FUT8: variants seen among roughly 807,000 people sequenced by gnomAD.
FUT8 encodes the protein fucosyltransferase 8.
FUT8 carries 29 observed loss-of-function variants against 71.3 expected under a neutral mutation model. The ratio of observed to expected loss-of-function variants is 0.41; its 90% CI spans 0.30 to 0.55. FUT8 has a LOEUF of 0.55. Ranked by LOEUF, FUT8 falls within the 20% of genes least tolerant of loss-of-function variation. The probability of loss-of-function intolerance (pLI) is 0.34; values close to 1 mark genes in which losing one functional copy is unlikely to be tolerated. For missense variants in FUT8, 544 were observed against 702.1 expected (o/e 0.77, Z 2.55); for synonymous variants, 254 against 239.3 (o/e 1.06, Z -0.57).
the FUT8 span, among the ~76,000 whole-genome samples, chr14:65,368,878 G>A: frequency 6.6e-6 from 1 of 151,776 alleles, no homozygotes; most frequent in Non-Finnish European, 1.5e-5. Context: ...GGCTAGTCTC[G>A]AACTCCTGAG....
chr14:65,559,285 A>G (rs1237575032), intron 2 of FUT8, among the ~76,000 whole-genome samples: 1 of 152,188 alleles, frequency 6.6e-6, no homozygotes, highest in Non-Finnish European at 1.5e-5. Context: ...TACCCTCTGT[A>G]GCTGTAGTTT....
chr14:65,367,468 C>A, the FUT8 span, among the ~76,000 whole-genome samples: 1 of 151,996 alleles, frequency 6.6e-6, no homozygotes, highest in Admixed American at 6.6e-5. Flanking sequence ...TAACCCTGGG[C>A]CCAATTTGGA....
At chr14:65,401,397 G>A in the FUT8 span, among the ~76,000 whole-genome samples, 12 of 152,146 alleles carry the variant, frequency 7.9e-5, no homozygotes, top group African/African-American at 2.7e-4. Context: ...GAAGTAGTTT[G>A]GACCAAAGTA....
chr14:65,369,887 T>G, the FUT8 span, among the ~76,000 whole-genome samples: 5 of 152,288 alleles, frequency 3.3e-5, no homozygotes, highest in East Asian at 9.7e-4. This position sits in a 1 kb window ranked among gnomAD's most constrained non-coding sequence, Gnocchi z 4.6. Flanking sequence ...CATTCTTTAT[T>G]CCTTTACTTT....
rs186583686 is a variant in FUT8 at position 65,700,729 on chromosome 14, G to C, written c.836-21046G>C. 3.2e-3 allele frequency among the ~76,000 whole-genome samples: 491 copies of C among 152,268 alleles called. 2 individuals carry two copies. The highest frequency in any genetic ancestry group is 0.011 in the African/African-American group (443 of 41,554). ...AACTACTTTCAATGAAAGGGTCCTA[G>C]TTCTAAGATTTAATGAACACATTCT... On this transcript the variant is annotated intron_variant, in intron 7 of 10. Transcript: ENST00000673929.
intron 7 of FUT8, among the ~76,000 whole-genome samples, chr14:65,704,751 G>T (rs1295690221): frequency 1.3e-5 from 2 of 152,148 alleles, no homozygotes; most frequent in African/African-American, 2.4e-5. Context: ...ACTTCAGGGA[G>T]CCTTCTGTTT....
intron 6 of FUT8, among the ~76,000 whole-genome samples, chr14:65,648,519 C>T (rs929401794): frequency 6.6e-6 from 1 of 152,052 alleles, no homozygotes; most frequent in African/African-American, 2.4e-5. Flanking sequence ...AGGAATATAC[C>T]CCTTGCTATC....
chr14:65,539,724 A>G (rs1006033595), intron 2 of FUT8, among the ~76,000 whole-genome samples: 3 of 152,252 alleles, frequency 2.0e-5, no homozygotes, highest in Non-Finnish European at 4.4e-5. Context: ...GAATAAAATA[A>G]GTAAAACACT....
chr14:65,601,232 G>C (rs1442122912), intron 3 of FUT8, among the ~76,000 whole-genome samples: 1 of 152,112 alleles, frequency 6.6e-6, no homozygotes, highest in Admixed American at 6.5e-5. Context: ...ATTAGAAGCT[G>C]TTTATTTGAA....
chr14:65,500,010 G>A (rs2066621799), intron 2 of FUT8, among the ~76,000 whole-genome samples: 1 of 151,954 alleles, frequency 6.6e-6, no homozygotes, highest in Non-Finnish European at 1.5e-5. Context: ...CACACTTAAC[G>A]CCCCTTTCAA....
At chr14:65,528,484 C>T (rs1237929209) in intron 2 of FUT8, among the ~76,000 whole-genome samples, 6 of 152,116 alleles carry the variant, frequency 3.9e-5, no homozygotes, top group Non-Finnish European at 5.9e-5. Context: ...ATTTCCTGAC[C>T]CCTTGAGCTT....
At chr14:65,552,998 C>T (rs927319176) in intron 2 of FUT8, among the ~76,000 whole-genome samples, 16 of 152,022 alleles carry the variant, frequency 1.1e-4, no homozygotes, top group African/African-American at 2.7e-4. Flanking sequence ...CTCTGTCACC[C>T]ATCCTGGAGT....
chr14:65,408,444 T>C (rs2065095393), upstream of FUT8, among the ~76,000 whole-genome samples: 1 of 152,196 alleles, frequency 6.6e-6, no homozygotes, highest in South Asian at 2.1e-4. Flanking sequence ...TCTTTTTGTA[T>C]GTCTGGAAAG....
chr14:65,538,872 G>C (rs1414778287), intron 2 of FUT8, among the ~76,000 whole-genome samples: 1 of 152,142 alleles, frequency 6.6e-6, no homozygotes, highest in African/African-American at 2.4e-5. Context: ...AGTGAGCCAA[G>C]ATCGCGCCAT....
At chr14:65,705,532 TA>T (rs1407823367) in intron 7 of FUT8, among the ~76,000 whole-genome samples, 2 of 152,232 alleles carry the variant, frequency 1.3e-5, no homozygotes, top group African/African-American at 2.4e-5. Context: ...TTGCCTCCTC[TA>T]AAAACTTTTT....
intron 1 of FUT8, among the ~76,000 whole-genome samples, chr14:65,418,093 G>C (rs940644986): frequency 6.6e-6 from 1 of 152,140 alleles, no homozygotes; most frequent in Non-Finnish European, 1.5e-5. Context: ...ATATCATGTA[G>C]CAATGAGGCA....
At chr14:65,440,435 C>T (rs1383674460) in intron 1 of FUT8, among the ~76,000 whole-genome samples, 2 of 151,668 alleles carry the variant, frequency 1.3e-5, no homozygotes, top group African/African-American at 4.8e-5. Context: ...CCTGCCTCAG[C>T]CTACTTAGTA....
rs536823959 is a variant in FUT8, at chr14:65,643,515, G to T, written c.597+13909G>T. Among the ~76,000 whole-genome samples the T allele has an allele frequency of 2.6e-5, 4 of 152,204 alleles. No individual in the cohort carries two copies. In the South Asian group the frequency reaches 8.3e-4, roughly 32 times the overall value. Reference sequence around the variant, plus strand: ...TAAAAATACAAAAGATTAGCCGGGCGTGGTGGCGGGCACCTGTAGTCTCAG... The same window carrying T: ...TAAAAATACAAAAGATTAGCCGGGCTTGGTGGCGGGCACCTGTAGTCTCAG... On this transcript the variant is annotated intron_variant, in intron 6 of 10. Coordinates refer to ENST00000673929, the MANE Select transcript of FUT8 (RefSeq NM_001371533.1). This position sits in a 1 kb window ranked among gnomAD's most constrained non-coding sequence, Gnocchi z 4.5.
the FUT8 span, among the ~76,000 whole-genome samples, chr14:65,391,469 C>A: frequency 6.6e-6 from 1 of 152,182 alleles, no homozygotes. Flanking sequence ...GATTCTCCTG[C>A]CTCAGCCTCA....
Sources: allele counts gnomAD v4.1 joint callset (sites outside exome capture counted in the v4.1 genomes callset), GRCh38; gene constraint gnomAD v4.1.1; non-coding constraint Gnocchi (gnomAD v3.1); transcripts MANE v1.5; gene names NCBI Gene and HGNC (gene_info 2026-07-23, HGNC 2026-07-21).